The following PRICKLE2 variants were observed in gnomAD, a reference collection of about 807,000 sequenced individuals.
PRICKLE2 encodes the protein prickle-like protein 2.
In PRICKLE2, 21 loss-of-function variants were observed where a neutral mutation model predicts 81.4. That is an observed-to-expected ratio of 0.26 (90% confidence interval 0.18 to 0.37). PRICKLE2 has a LOEUF of 0.37. PRICKLE2 is among the 10% of genes least tolerant of loss of function. PRICKLE2 has a pLI of 1.00. For missense variants in PRICKLE2, 940 were observed against 1,109.0 expected (o/e 0.85, Z 2.16); for synonymous variants, 456 against 421.5 (o/e 1.08, Z -1.00).
In PRICKLE2 at chr3:64,147,194, C is replaced by T. The variant is rs760982351; in HGVS notation, c.1296G>A (p.Gly432=). 1 of 1,612,528 alleles carries T rather than the reference C, an allele frequency of 6.2e-7. No individual in the cohort carries two copies. ...CNIRTSYSPG[G]QGAGAQPEMW... is the part of the protein sequence containing the mutation. ...TTTCGGGCTGGGCCCCAGCCCCTTG[C>T]CCTCCTGGACTGTAGGAAGTTCTGA... is the stretch of plus-strand genomic sequence containing the variant. Residue 432 remains glycine (G), a synonymous_variant, in exon 7 of 8, where the codon GGG becomes GGA. Transcript: ENST00000638394. The surrounding 1 kb of genome is among the most constrained non-coding windows in gnomAD (Gnocchi z 5.0).
At chr3:64,116,892 A>G (rs1035906845) in intron 7 of PRICKLE2, among the ~76,000 whole-genome samples, 7 of 152,150 alleles carry the variant, frequency 4.6e-5, no homozygotes, top group African/African-American at 1.4e-4. Flanking sequence ...AGATACAACA[A>G]CAACAACAAA....
intron 7 of PRICKLE2, among the ~76,000 whole-genome samples, chr3:64,120,908 C>G (rs2077014194): frequency 6.6e-6 from 1 of 152,142 alleles, no homozygotes; most frequent in Admixed American, 6.5e-5. Context: ...TGCCACGAAC[C>G]CATTATCCTG....
At chr3:64,132,495 T>C (rs759958348) in intron 7 of PRICKLE2, among the ~76,000 whole-genome samples, 100 of 152,368 alleles carry the variant, frequency 6.6e-4, no homozygotes, top group Non-Finnish European at 1.2e-3. Context: ...GAATATGCCA[T>C]CTGCTTCCTG....
intron 2 of PRICKLE2, among the ~76,000 whole-genome samples, chr3:64,195,379 G>C (rs1041460614): frequency 6.6e-6 from 1 of 152,162 alleles, no homozygotes. Flanking sequence ...TCAATTGAAG[G>C]CATTTCTCAG....
At position 64,094,317 on chromosome 3, in the gene PRICKLE2, ACT is replaced by A. The variant is rs1383734484; in HGVS notation, c.*4732_*4733del. On this transcript the variant is annotated 3_prime_UTR_variant, in exon 8 of 8. Transcript: ENST00000638394. ...CTAGGTAGGTTTAAGAACAGACCTT[ACT>A]GGTAAGTAACTCTCTCTGAAAAATT... The A allele has an allele frequency of 1.3e-5, 2 of 152,228 alleles. No individual in the cohort carries two copies. The highest frequency in any genetic ancestry group is 4.8e-5 in the African/African-American group (2 of 41,460). The allele number at this position is 152,228 out of a possible 1,614,324, so 9.4% of individuals were successfully genotyped here. A position where few individuals can be genotyped will look rare whatever the true frequency, so the allele number is the denominator to read the frequency against.
chr3:64,132,419 C>A (rs894762936), intron 7 of PRICKLE2, among the ~76,000 whole-genome samples: 1 of 152,152 alleles, frequency 6.6e-6, no homozygotes, highest in African/African-American at 2.4e-5. Flanking sequence ...AGCTTGGCTG[C>A]AGCATTCTAC....
intron 4 of PRICKLE2, among the ~76,000 whole-genome samples, chr3:64,158,344 G>A (rs774409772): frequency 2.6e-5 from 4 of 152,176 alleles, no homozygotes; most frequent in Admixed American, 2.0e-4. Flanking sequence ...ACTCATCCAC[G>A]TGTGTGACTG....
rs765122983 is a variant in PRICKLE2, at chr3:64,147,202, G to C, written c.1288C>G (p.Pro430Ala). ...TGGGCCCCAGCCCCTTGCCCTCCTG[G>C]ACTGTAGGAAGTTCTGATGTTGCAC... is the stretch of plus-strand genomic sequence containing the variant. ...SQCNIRTSYSPGGQGAGAQPE... is the reference protein window; with the variant it reads ...SQCNIRTSYSAGGQGAGAQPE... The change falls in exon 7 of 8, where the codon CCA becomes GCA. Residue 430 changes from proline (P) to alanine (A), a missense_variant. Coordinates refer to ENST00000638394, the MANE Select transcript of PRICKLE2 (RefSeq NM_198859.4). The surrounding 1 kb of genome is among the most constrained non-coding windows in gnomAD (Gnocchi z 5.0). The C allele has an allele frequency of 6.2e-7, 1 of 1,612,428 alleles. No homozygotes were observed. Among genetic ancestry groups the C allele is most frequent in the Admixed American group, 1.7e-5 (1 of 59,844 alleles).
chr3:64,243,955 T>C (rs999438529), intron 2 of PRICKLE2, among the ~76,000 whole-genome samples: 8 of 152,182 alleles, frequency 5.3e-5, no homozygotes, highest in African/African-American at 1.9e-4. Context: ...ACCCATGCTC[T>C]TTCATGTCAT....
rs551365173 is a variant in PRICKLE2 at position 64,131,668 on chromosome 3, A to G, written c.1660+15162T>C. Among the ~76,000 whole-genome samples, 5 of 152,354 alleles carry G rather than the reference A, an allele frequency of 3.3e-5. No individual in the cohort carries two copies. In the South Asian group the frequency reaches 1.0e-3, roughly 32 times the overall value. On this transcript the variant is annotated intron_variant, in intron 7 of 7. Coordinates refer to ENST00000638394, the MANE Select transcript of PRICKLE2 (RefSeq NM_198859.4). Reference sequence around the variant, plus strand: ...ATAACCAAGAGAGAAATCAGCCCTGAAAGGAAAAATAAGCTATAGCAATAG... The same window carrying G: ...ATAACCAAGAGAGAAATCAGCCCTGGAAGGAAAAATAAGCTATAGCAATAG...
At chr3:64,165,253 C>T (rs1047531250) in intron 2 of PRICKLE2, among the ~76,000 whole-genome samples, 2 of 152,102 alleles carry the variant, frequency 1.3e-5, no homozygotes, top group African/African-American at 2.4e-5. Flanking sequence ...CAAGCCCTTT[C>T]TGATACTGTC....
At chr3:64,180,768 C>T (rs759825683) in intron 2 of PRICKLE2, among the ~76,000 whole-genome samples, 5 of 152,056 alleles carry the variant, frequency 3.3e-5, no homozygotes, top group East Asian at 1.9e-4. Flanking sequence ...CCTGACCTCA[C>T]GTGATCCACC....
chr3:64,127,494 C>T (rs151029378), intron 7 of PRICKLE2, among the ~76,000 whole-genome samples: 1,875 of 152,202 alleles, frequency 0.012, 18 homozygotes, highest in Non-Finnish European at 0.019. Context: ...CTCTCATGAA[C>T]CCCCTAAGAG....
At chr3:64,257,074 T>A (rs1027705280) in intron 2 of PRICKLE2, among the ~76,000 whole-genome samples, 41 of 152,206 alleles carry the variant, frequency 2.7e-4, no homozygotes, top group African/African-American at 9.7e-4. Flanking sequence ...ATACATGATA[T>A]TCAACACATC....
At chr3:64,232,300 T>G (rs1362413520) in intron 2 of PRICKLE2, among the ~76,000 whole-genome samples, 2 of 152,264 alleles carry the variant, frequency 1.3e-5, no homozygotes, top group African/African-American at 4.8e-5. Context: ...AAGGATCTAC[T>G]GCTTTGTGGC....
intron 2 of PRICKLE2, among the ~76,000 whole-genome samples, chr3:64,248,303 T>C (rs979846313): frequency 2.0e-5 from 3 of 152,192 alleles, no homozygotes; most frequent in Non-Finnish European, 1.5e-5. Flanking sequence ...AAGGGGCAAA[T>C]GGCAAATAAT....
At chr3:64,228,560 G>C (rs1474679674), upstream of PRICKLE2, among the ~76,000 whole-genome samples, 2 of 150,718 alleles carry the variant, frequency 1.3e-5, no homozygotes, top group Non-Finnish European at 2.9e-5. Context: ...AAATTATACT[G>C]GTAGGTATTA....
At chr3:64,247,978 C>T (rs573109965) in intron 2 of PRICKLE2, among the ~76,000 whole-genome samples, 234 of 152,252 alleles carry the variant, frequency 1.5e-3, no homozygotes, top group African/African-American at 5.5e-3. Flanking sequence ...GAAAAACTAA[C>T]ATCTTCCCCA....
intron 1 of PRICKLE2, among the ~76,000 whole-genome samples, chr3:64,215,909 T>A (rs1372800155): frequency 6.6e-6 from 1 of 152,206 alleles, no homozygotes; most frequent in Non-Finnish European, 1.5e-5. Context: ...ACACAGCAAA[T>A]GTTCAAAAGG....
Sources: gnomAD v4.1 joint callset for allele counts (sites outside exome capture counted in the v4.1 genomes callset) on GRCh38, gnomAD v4.1.1 for gene constraint, Gnocchi (gnomAD v3.1) non-coding constraint, MANE v1.5 for transcripts, NCBI Gene and HGNC (gene_info 2026-07-23, HGNC 2026-07-21) for gene names.